Variants in LRMDA observed in about 807,000 individuals in gnomAD.
The protein encoded by LRMDA is leucine-rich melanocyte differentiation-associated protein.
A neutral mutation model predicts 29.8 loss-of-function variants in LRMDA; 18 were observed. The ratio of observed to expected loss-of-function variants is 0.60; its 90% CI spans 0.42 to 0.90. LRMDA has a LOEUF of 0.90. Among genes scored for constraint, LRMDA ranks in the 40% least tolerant of loss-of-function variants. The probability of loss-of-function intolerance (pLI) is 0.00; values close to 1 mark genes in which losing one functional copy is unlikely to be tolerated. For missense variants in LRMDA, 273 were observed against 273.9 expected (o/e 1.00, Z 0.02); for synonymous variants, 125 against 109.4 (o/e 1.14, Z -0.89).
At chr10:76,160,203 G>A (rs1694274092) in intron 5 of LRMDA, among the ~76,000 whole-genome samples, 1 of 149,978 alleles carries the variant, frequency 6.7e-6, no homozygotes. Context: ...TCTAAGAGAA[G>A]TCTTTTTTTT....
intron 2 of LRMDA, among the ~76,000 whole-genome samples, chr10:75,759,528 G>A (rs548433913): frequency 6.6e-6 from 1 of 152,296 alleles, no homozygotes; most frequent in East Asian, 1.9e-4. Flanking sequence ...AGAAAAAGCA[G>A]CTCAGTATTT....
chr10:75,529,470 CAA>C (rs1008445811), intron 2 of LRMDA, among the ~76,000 whole-genome samples: 2 of 152,126 alleles, frequency 1.3e-5, no homozygotes, highest in Non-Finnish European at 2.9e-5. Context: ...TCAGTGAAAA[CAA>C]GAGAGTAAAC....
At chr10:75,972,887 T>C (rs1298029229) in intron 2 of LRMDA, among the ~76,000 whole-genome samples, 1 of 152,182 alleles carries the variant, frequency 6.6e-6, no homozygotes, top group Non-Finnish European at 1.5e-5. Context: ...GGGCTGGGGC[T>C]GGGGCTTCCT....
At chr10:75,882,971 T>C (rs1327337224) in intron 2 of LRMDA, among the ~76,000 whole-genome samples, 1 of 152,138 alleles carries the variant, frequency 6.6e-6, no homozygotes, top group East Asian at 1.9e-4. Context: ...AAGCGTAATT[T>C]ACATAACATA....
chr10:75,715,038 C>G (rs993540086), intron 2 of LRMDA, among the ~76,000 whole-genome samples: 1 of 152,072 alleles, frequency 6.6e-6, no homozygotes, highest in South Asian at 2.1e-4. Flanking sequence ...ATTCACATCC[C>G]GTTTGTCAGC....
chr10:76,481,537 T>C (rs1236177977), intron 6 of LRMDA, among the ~76,000 whole-genome samples: 1 of 151,962 alleles, frequency 6.6e-6, no homozygotes, highest in Non-Finnish European at 1.5e-5. Flanking sequence ...CAAGGATCAC[T>C]GCGCATGTTT....
rs79026094 is a variant in LRMDA at position 76,239,319 on chromosome 10, C to T, written c.517-85082C>T. 4.2e-3 allele frequency among the ~76,000 whole-genome samples: 635 copies of T among 152,182 alleles called. 14 individuals are homozygous for T. In the East Asian group the frequency reaches 0.044, roughly 11 times the overall value. ...TTAGGCTTCTCTAACCAATAAGGAA[C>T]ATTTACCCTTAAACATGGTCACCAT... On this transcript the variant is annotated intron_variant, in intron 5 of 6. Coordinates refer to ENST00000611255, the MANE Select transcript of LRMDA (RefSeq NM_001305581.2).
At chr10:76,247,932 T>C (rs879360860) in intron 5 of LRMDA, among the ~76,000 whole-genome samples, 1 of 152,144 alleles carries the variant, frequency 6.6e-6, no homozygotes, top group Admixed American at 6.5e-5. Flanking sequence ...TACCTGCATT[T>C]TTGCTAAAAA....
chr10:76,088,206 G>A (rs575291126), intron 5 of LRMDA, among the ~76,000 whole-genome samples: 1 of 152,148 alleles, frequency 6.6e-6, no homozygotes, highest in Non-Finnish European at 1.5e-5. Context: ...ATCCATCACT[G>A]CTGTAATCTA....
At chr10:75,444,386 A>G (rs946691617) in intron 2 of LRMDA, among the ~76,000 whole-genome samples, 1 of 152,142 alleles carries the variant, frequency 6.6e-6, no homozygotes, top group Non-Finnish European at 1.5e-5. Context: ...CCCAAATGAA[A>G]TTTCTGGCTC....
At chr10:75,679,449 A>G (rs1841999107) in intron 2 of LRMDA, among the ~76,000 whole-genome samples, 1 of 152,106 alleles carries the variant, frequency 6.6e-6, no homozygotes, top group Non-Finnish European at 1.5e-5. Flanking sequence ...CGGAATTCTC[A>G]TCCAGGTCTG....
intron 5 of LRMDA, among the ~76,000 whole-genome samples, chr10:76,315,646 C>A (rs1160948939): frequency 6.6e-6 from 1 of 152,146 alleles, no homozygotes; most frequent in African/African-American, 2.4e-5. Context: ...CAGCTCCCTG[C>A]GGGCCTGTAG....
chr10:76,215,988 G>C (rs950460497), intron 5 of LRMDA, among the ~76,000 whole-genome samples: 1 of 152,194 alleles, frequency 6.6e-6, no homozygotes, highest in African/African-American at 2.4e-5. Context: ...AAAGAGGGTT[G>C]ACTATAAAAG....
intron 5 of LRMDA, among the ~76,000 whole-genome samples, chr10:76,209,250 T>C (rs1564686612): frequency 6.6e-6 from 1 of 152,180 alleles, no homozygotes; most frequent in Non-Finnish European, 1.5e-5. Context: ...AAAAACAGAC[T>C]GTGCTTCCGT....
intron 2 of LRMDA, among the ~76,000 whole-genome samples, chr10:75,755,043 T>G (rs1469046143): frequency 1.5e-5 from 2 of 132,330 alleles, no homozygotes. Context: ...AGTTTTTTGG[T>G]TTTTTTTTTT....
chr10:75,904,485 G>C (rs890517365), intron 2 of LRMDA, among the ~76,000 whole-genome samples: 1 of 152,068 alleles, frequency 6.6e-6, no homozygotes, highest in Admixed American at 6.5e-5. Flanking sequence ...CCAAAAAAAT[G>C]AATGTGTCAG....
At position 76,050,665 on chromosome 10, in the gene LRMDA, A is replaced by C. The variant is rs11816892; in HGVS notation, c.398+3362A>C. ...GGCAGGAAGAGAACAGCAGTGCAAG[A>C]CTTGGCCGGAGAGACCACCATGCTA... On this transcript the variant is annotated intron_variant, in intron 4 of 6. Coordinates refer to ENST00000611255, the MANE Select transcript of LRMDA (RefSeq NM_001305581.2). Among the ~76,000 whole-genome samples, 431 of 152,356 alleles carry C rather than the reference A, an allele frequency of 2.8e-3. 5 individuals carry two copies. The highest frequency in any genetic ancestry group is 9.9e-3 in the African/African-American group (412 of 41,578).
At chr10:75,452,188 C>G (rs895118002) in intron 2 of LRMDA, among the ~76,000 whole-genome samples, 3 of 152,200 alleles carry the variant, frequency 2.0e-5, no homozygotes. Context: ...CACTACACTT[C>G]AGGATTTGCC....
At chr10:75,704,671 G>GGT (rs1372395325) in intron 2 of LRMDA, among the ~76,000 whole-genome samples, 2 of 152,168 alleles carry the variant, frequency 1.3e-5, no homozygotes, top group Non-Finnish European at 2.9e-5. Flanking sequence ...GTATTGGGAA[G>GGT]GTGTTACCTT....
Sources: allele counts gnomAD v4.1 joint callset (sites outside exome capture counted in the v4.1 genomes callset), GRCh38; gene constraint gnomAD v4.1.1; transcripts MANE v1.5; gene names NCBI Gene and HGNC (gene_info 2026-07-23, HGNC 2026-07-21).